SLC4A5: variants seen among roughly 807,000 people sequenced by gnomAD.
The protein encoded by SLC4A5 is solute carrier family 4 member 5, also known as electrogenic sodium bicarbonate cotransporter 4.
Under a neutral mutation model 120.4 loss-of-function variants are expected in SLC4A5, and 96 were observed. The ratio of observed to expected loss-of-function variants is 0.80; its 90% CI spans 0.68 to 0.94. The LOEUF is 0.94. Among genes scored for constraint, SLC4A5 ranks in the 40% least tolerant of loss-of-function variants. The probability of loss-of-function intolerance (pLI) is 0.00; values close to 1 mark genes in which losing one functional copy is unlikely to be tolerated. For missense variants in SLC4A5, 1,259 were observed against 1,459.5 expected, an observed-to-expected ratio of 0.86 and a Z score of 2.24; for synonymous variants, 550 against 571.1, an observed-to-expected ratio of 0.96 and a Z score of 0.53.
intron 8 of SLC4A5, among the ~76,000 whole-genome samples, chr2:74,285,441 A>C (rs1261715306): frequency 9.2e-5 from 14 of 152,156 alleles, no homozygotes; most frequent in Admixed American, 9.2e-4. Context: ...GGGAGACTTG[A>C]ATATATGCGG....
At chr2:74,235,895 T>C (rs1359459141) in intron 21 of SLC4A5, among the ~76,000 whole-genome samples, 1 of 152,168 alleles carries the variant, frequency 6.6e-6, no homozygotes, top group Non-Finnish European at 1.5e-5. Flanking sequence ...TGTCCAGAAG[T>C]CTCAGGACAG....
At chr2:74,309,147 G>A (rs1488046669) in intron 6 of SLC4A5, among the ~76,000 whole-genome samples, 1 of 151,710 alleles carries the variant, frequency 6.6e-6, no homozygotes, top group East Asian at 1.9e-4. Context: ...TTGAACTCCT[G>A]GGCTCAAACA....
At chr2:74,265,369 T>C (rs1671270571) in intron 8 of SLC4A5, 105 bp from the exon 9 acceptor site, 27 of 1,375,600 alleles carry the variant, frequency 2.0e-5, no homozygotes, top group Non-Finnish European at 2.6e-5. Flanking sequence ...GCTATGTATG[T>C]GGTTGTGGTG....
chr2:74,336,131 T>C (rs1444335444), intron 3 of SLC4A5, among the ~76,000 whole-genome samples: 1 of 152,206 alleles, frequency 6.6e-6, no homozygotes, highest in African/African-American at 2.4e-5. Context: ...GCAGTGGCAC[T>C]ATCACAGCTC....
At chr2:74,282,334 C>T (rs1035050962) in intron 8 of SLC4A5, among the ~76,000 whole-genome samples, 1 of 152,244 alleles carries the variant, frequency 6.6e-6, no homozygotes, top group East Asian at 1.9e-4. Flanking sequence ...TTTTCCTGTC[C>T]GCAAGCTGGC....
chr2:74,291,929 G>T (rs1201045152), intron 7 of SLC4A5, among the ~76,000 whole-genome samples: 1 of 152,122 alleles, frequency 6.6e-6, no homozygotes, highest in East Asian at 1.9e-4. Context: ...CCCTGTGGGT[G>T]GCCTCAATAC....
intron 28 of SLC4A5, among the ~76,000 whole-genome samples, chr2:74,223,514 C>G (rs186754392): frequency 3.0e-4 from 46 of 152,306 alleles, no homozygotes; most frequent in Non-Finnish European, 5.4e-4. Context: ...TTTTATCTGT[C>G]ACAGCAACCA....
intron 19 of SLC4A5, among the ~76,000 whole-genome samples, chr2:74,243,348 CCT>C (rs1253946608): frequency 6.6e-6 from 1 of 152,192 alleles, no homozygotes; most frequent in Non-Finnish European, 1.5e-5. Context: ...GGCCTGCTGC[CCT>C]CTCTCTTCTT....
intron 3 of SLC4A5, among the ~76,000 whole-genome samples, chr2:74,335,375 G>A (rs367823833): frequency 6.6e-6 from 1 of 152,176 alleles, no homozygotes; most frequent in Admixed American, 6.5e-5. Context: ...CTAGGAACTC[G>A]TTCTTCAGAC....
At chr2:74,305,693 C>CTTCCT (rs1228909588) in intron 6 of SLC4A5, among the ~76,000 whole-genome samples, 1 of 150,844 alleles carries the variant, frequency 6.6e-6, no homozygotes. Context: ...CATCCCACCC[C>CTTCCT]TTCCTCCCTC....
At chr2:74,265,301 C>A in intron 8 of SLC4A5, 37 bp from the exon 9 acceptor site, 2 of 1,600,342 alleles carry the variant, frequency 1.2e-6, no homozygotes, top group Non-Finnish European at 1.7e-6. Flanking sequence ...GTGGCCAGGG[C>A]CCTCAGGAGG....
At chr2:74,318,463 A>AT (rs908929206) in intron 5 of SLC4A5, among the ~76,000 whole-genome samples, 1 of 151,990 alleles carries the variant, frequency 6.6e-6, no homozygotes, top group African/African-American at 2.4e-5. Flanking sequence ...GGTGGGGGGG[A>AT]TGGCCTGAGG....
In SLC4A5 at chr2:74,226,943, C is replaced by T. The variant is rs200607275; in HGVS notation, c.3090+14G>A. ...ACCTGCCAGGCAGGAGGGGGAAGCC[C>T]GTGCCCACTTTACCATGACCGGGAA... On this transcript the variant is annotated intron_variant, in intron 27 of 30. Coordinates refer to ENST00000394019, the Ensembl canonical transcript of SLC4A5. 7 of 1,609,678 alleles carry T rather than the reference C, an allele frequency of 4.3e-6. No individual in the cohort carries two copies. Among genetic ancestry groups the T allele is most frequent in the African/African-American group, 2.7e-5 (2 of 74,988 alleles).
At chr2:74,304,353 G>C in intron 7 of SLC4A5, 136 bp downstream of exon 7, 1 of 862,516 alleles carries the variant, frequency 1.2e-6, no homozygotes, top group Non-Finnish European at 1.7e-6. Context: ...AAGCAGAGCA[G>C]AGGGGGCCAG....
chr2:74,221,632 C>T (rs1235110140), intron 29 of SLC4A5, 131 bp from the exon 30 acceptor site: 7 of 879,702 alleles, frequency 8.0e-6, no homozygotes, highest in Non-Finnish European at 1.1e-5. Context: ...GAATACGGGG[C>T]CTCAGAGATG....
At chr2:74,338,694 G>A (rs1673553385) in intron 3 of SLC4A5, among the ~76,000 whole-genome samples, 161 bp downstream of exon 3, 1 of 152,158 alleles carries the variant, frequency 6.6e-6, no homozygotes, top group South Asian at 2.1e-4. Context: ...AGTGGCTGTA[G>A]TCCCAGCTAC....
intron 21 of SLC4A5, 28 bp downstream of exon 21, chr2:74,239,307 T>C (rs1486420838): frequency 6.2e-7 from 1 of 1,608,836 alleles, no homozygotes; most frequent in Non-Finnish European, 8.5e-7. Context: ...TGACTGCAGG[T>C]CCCCTCCTAA....
At chr2:74,319,094 A>G (rs1202112206) in intron 5 of SLC4A5, among the ~76,000 whole-genome samples, 1 of 152,210 alleles carries the variant, frequency 6.6e-6, no homozygotes, top group Non-Finnish European at 1.5e-5. Context: ...CATTACCCTC[A>G]GTGAAATAAC....
chr2:74,251,634 T>C (rs1215818940), intron 16 of SLC4A5, among the ~76,000 whole-genome samples: 2 of 152,342 alleles, frequency 1.3e-5, no homozygotes, highest in African/African-American at 4.8e-5. Context: ...TATTCCAACA[T>C]GACTGGGGTC....
Sources: allele counts gnomAD v4.1 joint callset (sites outside exome capture counted in the v4.1 genomes callset), GRCh38; gene constraint gnomAD v4.1.1; transcripts MANE v1.5; gene names NCBI Gene and HGNC (gene_info 2026-07-23, HGNC 2026-07-21).